ADAM19: variants seen among roughly 807,000 people sequenced by gnomAD.
ADAM19 encodes the protein disintegrin and metalloproteinase domain-containing protein 19.
ADAM19 carries 65 observed loss-of-function variants against 114.7 expected under a neutral mutation model. That is an observed-to-expected ratio of 0.57 (90% confidence interval 0.46 to 0.70). The LOEUF (loss-of-function observed/expected upper bound fraction) is 0.70, where lower values mean the gene tolerates loss of function less well. Ranked by LOEUF, ADAM19 falls within the 30% of genes least tolerant of loss-of-function variation. ADAM19 has a pLI of 0.00. For missense variants in ADAM19, 1,063 were observed against 1,204.7 expected, an observed-to-expected ratio of 0.88 and a Z score of 1.74; for synonymous variants, 466 against 460.5, an observed-to-expected ratio of 1.01 and a Z score of -0.15.
intron 8 of ADAM19, among the ~76,000 whole-genome samples, chr5:157,512,702 G>C (rs1030093667): frequency 2.0e-5 from 3 of 152,154 alleles, no homozygotes; most frequent in African/African-American, 7.2e-5. Context: ...AAAAGGTCCT[G>C]ACCTAGGAAA....
At chr5:157,493,442 C>A (rs1755242595) in intron 15 of ADAM19, among the ~76,000 whole-genome samples, 1 of 152,144 alleles carries the variant, frequency 6.6e-6, no homozygotes, top group African/African-American at 2.4e-5. Flanking sequence ...GAATAGCCAC[C>A]TGAGCTGAGC....
chr5:157,491,653 T>C lies in ADAM19; in HGVS notation c.2057A>G (p.His686Arg), dbSNP rs1202250387. The C allele has an allele frequency of 1.9e-6, 3 of 1,559,644 alleles. No homozygotes were observed. The highest frequency in any genetic ancestry group is 1.4e-5 in the African/African-American group (1 of 73,520). ...AGGCCCACTGTCGATACTGCCCCCG[T>C]GGCCCGGTGTGTTGCAGAAGGGCGG... Reference protein sequence around the residue: ...WAPPFCNTPGHGGSIDSGPMP... With the variant: ...WAPPFCNTPGRGGSIDSGPMP... Residue 686 changes from histidine (H) to arginine (R), a missense_variant, in exon 18 of 23, where the codon CAC (histidine) becomes CGC (arginine). Around this residue, in one of 3 missense-constraint regions of ADAM19, gnomAD observed 424 missense variants for 445.5 expected, o/e 0.95. Transcript: ENST00000257527.
At chr5:157,537,872 G>C (rs761486989) in intron 4 of ADAM19, 41 bp downstream of exon 4, 1 of 1,562,680 alleles carries the variant, frequency 6.4e-7, no homozygotes, top group Admixed American at 1.7e-5. Flanking sequence ...AGGGCTGGGA[G>C]AGGACAGCTG....
At chr5:157,493,670 G>A (rs769314139) in intron 15 of ADAM19, among the ~76,000 whole-genome samples, 1 of 151,864 alleles carries the variant, frequency 6.6e-6, no homozygotes, top group Non-Finnish European at 1.5e-5. Flanking sequence ...TGATTTCCCT[G>A]CCTCCAGTCT....
At chr5:157,558,493 C>A (rs1045347748) in intron 3 of ADAM19, among the ~76,000 whole-genome samples, 1 of 152,188 alleles carries the variant, frequency 6.6e-6, no homozygotes, top group Non-Finnish European at 1.5e-5. Context: ...CATTTAAATG[C>A]AACTCAGTGA....
chr5:157,507,370 G>A lies in ADAM19; in HGVS notation c.906-230C>T, dbSNP rs577319957. Among the ~76,000 whole-genome samples the A allele has an allele frequency of 2.0e-5, 3 of 152,368 alleles. No homozygotes were observed. In the South Asian group the frequency reaches 6.2e-4, roughly 32 times the overall value. ...GACTCCAGAGGAACACAAAGAGAGA[G>A]AGAAAGGTCGTTTATCTCCCACAAT... On this transcript the variant is annotated intron_variant, in intron 9 of 22. Coordinates refer to ENST00000257527, the MANE Select transcript of ADAM19 (RefSeq NM_033274.5).
chr5:157,505,644 T>A (rs764720874), intron 11 of ADAM19, 25 bp downstream of exon 11: 16 of 1,611,996 alleles, frequency 9.9e-6, no homozygotes, highest in Non-Finnish European at 1.3e-5. Flanking sequence ...CTCCTCCCCA[T>A]CCTCCCTCTT....
In ADAM19 at chr5:157,490,448, C is replaced by A; in HGVS notation, c.2102G>T (p.Gly701Val). 1 of 1,613,898 alleles carries A rather than the reference C, an allele frequency of 6.2e-7. No homozygotes were observed. The highest frequency in any genetic ancestry group is 8.5e-7 in the Non-Finnish European group (1 of 1,179,972). ...CACCAACACTCCAGCTACCACAGGA[C>A]CCACACCTTCCAGAAACAGAACCCA... ...DSGPMPPESV[G>V]PVVAGVLVAI... Residue 701 changes from glycine (G) to valine (V), a missense_variant, in exon 19 of 23, where the codon GGT (glycine) becomes GTT (valine). Transcript: ENST00000257527.
chr5:157,480,816 A>G lies in ADAM19; in HGVS notation c.*133T>C. 1 of 1,498,932 alleles carries G rather than the reference A, an allele frequency of 6.7e-7. No individual in the cohort carries two copies. The highest frequency in any genetic ancestry group is 8.9e-7 in the Non-Finnish European group (1 of 1,129,034). 92.9% of individuals were successfully genotyped at this position (1,498,932 alleles called of 1,614,324 possible). ...ACTGAGTCAACAGGGAGATTTTTGG[A>G]GATGTGGAGGTTCCTGGAGGAGGGT... On this transcript the variant is annotated 3_prime_UTR_variant, in exon 23 of 23. Transcript: ENST00000257527.
Position 157,505,682 on chromosome 5 carries a change from C to T in ADAM19, c.1117G>A (p.Ala373Thr), listed in dbSNP as rs775576511. 1 of 1,614,050 alleles carries T rather than the reference C, an allele frequency of 6.2e-7. No individual in the cohort carries two copies. Among genetic ancestry groups the T allele is most frequent in the Admixed American group, 1.7e-5 (1 of 60,016 alleles). Residue 373 changes from alanine to threonine, a missense_variant, in exon 11 of 23, where the codon GCA (alanine) becomes ACA (threonine). Ala to Thr is a moderately conservative substitution (Grantham distance 58). Coordinates refer to ENST00000257527, the MANE Select transcript of ADAM19 (RefSeq NM_033274.5). Reference protein sequence around the residue: ...ASAADGGCIMAAATGHPFPKV... With the variant: ...ASAADGGCIMTAATGHPFPKV... ...TGTTTGACTCACCCAGTGGCAGCTG[C>T]CATGATGCACCCACCATCAGCCGCA...
chr5:157,494,586 A>G (rs1038024550), intron 15 of ADAM19, 101 bp downstream of exon 15: 37 of 882,708 alleles, frequency 4.2e-5, no homozygotes, highest in Middle Eastern at 2.6e-4. Context: ...GTAAAGGTGC[A>G]GCTCTGGGGC....
At position 157,513,490 on chromosome 5, in the gene ADAM19, G is replaced by C. The variant is rs1049680013; in HGVS notation, c.682C>G (p.Arg228Gly). 6.2e-7 allele frequency: 1 copy of C among 1,613,942 alleles called. No homozygotes were observed. The highest frequency in any genetic ancestry group is 1.1e-5 in the South Asian group (1 of 91,076). ...TTGTGTTTGGTGGCGTCCTGGTCTC[G>C]TCGATTCTTCTGAAACTAAATGGGA... ...ADYLEFQKNR[R>G]DQDATKHKLI... Residue 228 changes from arginine (R) to glycine (G), a missense_variant, in exon 8 of 23, where the codon CGA becomes GGA. Arg to Gly is a moderately radical substitution (Grantham distance 125). Transcript: ENST00000257527.
rs1561541174 is a variant in ADAM19, at chr5:157,519,970, C to A, written c.469G>T (p.Gly157Cys). 6.2e-7 allele frequency: 1 copy of A among 1,613,978 alleles called. No homozygotes were observed. The highest frequency in any genetic ancestry group is 8.5e-7 in the Non-Finnish European group (1 of 1,180,040). ...TCAGATCTGTAAATAAGGTGTTGGC[C>A]CTTGCTGTCAGGGAGGGGCTCGATG... ...YVIEPLPDSK[G>C]QHLIYRSEHL... Residue 157 changes from glycine (G) to cysteine (C), a missense_variant, in exon 6 of 23, where the codon GGC becomes TGC. Physicochemically the swap from Gly to Cys is radical, Grantham distance 159 (BLOSUM62 -3). Around this residue, in one of 3 missense-constraint regions of ADAM19, gnomAD observed 615 missense variants for 706.3 expected, o/e 0.87. Transcript: ENST00000257527.
At chr5:157,544,624 C>T (rs766362859) in intron 3 of ADAM19, among the ~76,000 whole-genome samples, 8 of 152,184 alleles carry the variant, frequency 5.3e-5, no homozygotes, top group East Asian at 3.8e-4. Context: ...CAGGGACCTG[C>T]GGGGCCCTCA....
intron 19 of ADAM19, 58 bp from the exon 20 acceptor site, chr5:157,489,244 G>T: frequency 1.6e-6 from 2 of 1,284,788 alleles, no homozygotes; most frequent in Non-Finnish European, 2.3e-6. Flanking sequence ...AGGGGACAGT[G>T]CCTGAGTTCC....
In ADAM19 at chr5:157,518,909, A is replaced by G. The variant is rs748078094; in HGVS notation, c.601-21T>C. On this transcript the variant is annotated intron_variant, in intron 6 of 22. Coordinates refer to ENST00000257527, the MANE Select transcript of ADAM19 (RefSeq NM_033274.5). ...TTCATCTAAGAAAGAGAAACAGATC[A>G]GCGCTGTAGAAATAGTGGACTTGGC... The G allele has an allele frequency of 4.4e-6, 7 of 1,608,298 alleles. No individual in the cohort carries two copies. In the East Asian group the frequency reaches 1.3e-4, roughly 31 times the overall value.
chr5:157,559,176 C>T (rs894483559), intron 3 of ADAM19, among the ~76,000 whole-genome samples: 6 of 152,214 alleles, frequency 3.9e-5, no homozygotes, highest in African/African-American at 1.4e-4. Flanking sequence ...AGAAAACAAA[C>T]GCCCGTTCTT....
chr5:157,536,917 C>A (rs1756783958), intron 4 of ADAM19, among the ~76,000 whole-genome samples: 1 of 152,218 alleles, frequency 6.6e-6, no homozygotes, highest in Admixed American at 6.5e-5. Flanking sequence ...AAGGCAAAGG[C>A]CACTGCTGCT....
chr5:157,494,410 C>A (rs1411431711), intron 15 of ADAM19, among the ~76,000 whole-genome samples: 2 of 152,006 alleles, frequency 1.3e-5, no homozygotes, highest in Non-Finnish European at 2.9e-5. Flanking sequence ...CAGAAATGAC[C>A]CAAAAGGGCT....
Sources: allele counts gnomAD v4.1 joint callset (sites outside exome capture counted in the v4.1 genomes callset), GRCh38; gene constraint gnomAD v4.1.1; regional missense constraint gnomAD v4.1.1; transcripts MANE v1.5; gene names NCBI Gene and HGNC (gene_info 2026-07-23, HGNC 2026-07-21).